Variants in DENND6A observed in about 807,000 individuals in gnomAD.
DENND6A encodes DENN domain containing 6A, also known as protein DENND6A.
DENND6A carries 43 observed loss-of-function variants against 95.5 expected under a neutral mutation model. That is an observed-to-expected ratio of 0.45 (90% CI 0.35 to 0.58). The LOEUF (loss-of-function observed/expected upper bound fraction) is 0.58, where lower values mean the gene tolerates loss of function less well. Among genes scored for constraint, DENND6A ranks in the 20% least tolerant of loss-of-function variants. The pLI, the probability that DENND6A is intolerant of heterozygous loss-of-function variation, is 0.00. For missense variants in DENND6A, 574 were observed against 736.0 expected (o/e 0.78, Z 2.55); for synonymous variants, 257 against 260.4 (o/e 0.99, Z 0.13).
At chr3:57,668,710 A>AT (rs2071565806) in intron 3 of DENND6A, among the ~76,000 whole-genome samples, 1 of 152,090 alleles carries the variant, frequency 6.6e-6, no homozygotes, top group South Asian at 2.1e-4. Flanking sequence ...TATCTGTGTC[A>AT]TTTTTTCATC....
chr3:57,665,654 G>A (rs184056521), intron 4 of DENND6A, among the ~76,000 whole-genome samples: 5 of 152,202 alleles, frequency 3.3e-5, no homozygotes, highest in Non-Finnish European at 7.4e-5. Context: ...GCATCCAGAT[G>A]AAAACGTTCC....
chr3:57,662,598 A>T (rs1480123915), intron 5 of DENND6A, among the ~76,000 whole-genome samples: 3 of 152,136 alleles, frequency 2.0e-5, no homozygotes, highest in African/African-American at 4.8e-5. Flanking sequence ...TCTTAAAAAA[A>T]ATATAATAGT....
intron 3 of DENND6A, among the ~76,000 whole-genome samples, chr3:57,668,334 G>A (rs2071559226): frequency 6.6e-6 from 1 of 152,156 alleles, no homozygotes; most frequent in African/African-American, 2.4e-5. Context: ...CCAGAACAAG[G>A]AGGATTAATG....
intron 1 of DENND6A, among the ~76,000 whole-genome samples, chr3:57,683,060 G>C (rs2077180954): frequency 6.6e-6 from 1 of 152,156 alleles, no homozygotes; most frequent in Non-Finnish European, 1.5e-5. Context: ...TAACATAATA[G>C]AATCCTTTGT....
chr3:57,628,112 T>C lies in DENND6A; in HGVS notation c.*102A>G. ...CTGTAACTAGCATTCATGGCAATTT[T>C]CCACTCCGCTGCCACTGAGAGATCT... On this transcript the variant is annotated 3_prime_UTR_variant, in exon 20 of 20. Coordinates refer to ENST00000311128, the MANE Select transcript of DENND6A (RefSeq NM_152678.3). The C allele has an allele frequency of 6.7e-7, 1 of 1,500,724 alleles. No homozygotes were observed. The highest frequency in any genetic ancestry group is 8.9e-7 in the Non-Finnish European group (1 of 1,121,258). The allele number at this position is 1,500,724 out of a possible 1,614,324, so 93.0% of individuals were successfully genotyped here.
rs181839560 is a variant in DENND6A, at chr3:57,676,135, T to G, written c.238-3697A>C. 3.0e-3 allele frequency among the ~76,000 whole-genome samples: 463 copies of G among 152,028 alleles called. 1 individual carries two copies. Among genetic ancestry groups the G allele is most frequent in the African/African-American group, 0.011 (451 of 41,504 alleles). ...GCTCATACCTGTAATCCTAACACTTTGGGAGGCCGGGGTGGGCAGGTCACT... is the reference window on the plus strand; with the variant it reads ...GCTCATACCTGTAATCCTAACACTTGGGGAGGCCGGGGTGGGCAGGTCACT... On this transcript the variant is annotated intron_variant, in intron 1 of 19. Coordinates refer to ENST00000311128, the MANE Select transcript of DENND6A (RefSeq NM_152678.3).
At chr3:57,638,844 T>A (rs1575819436) in intron 12 of DENND6A, among the ~76,000 whole-genome samples, 1 of 152,270 alleles carries the variant, frequency 6.6e-6, no homozygotes, top group African/African-American at 2.4e-5. Flanking sequence ...GGCTCCCACC[T>A]GTAATCCCAA....
At chr3:57,650,248 T>C (rs1413987620) in intron 9 of DENND6A, among the ~76,000 whole-genome samples, 1 of 151,562 alleles carries the variant, frequency 6.6e-6, no homozygotes, top group Admixed American at 6.6e-5. Context: ...AAAGAACTTA[T>C]TCATGCAACC....
chr3:57,684,008 C>T (rs899083523), intron 1 of DENND6A, among the ~76,000 whole-genome samples: 1 of 151,918 alleles, frequency 6.6e-6, no homozygotes, highest in African/African-American at 2.4e-5. Flanking sequence ...CAAAAATTAG[C>T]CCGGTGTGGT....
At chr3:57,633,759 G>A (rs189734707) in intron 14 of DENND6A, among the ~76,000 whole-genome samples, 4 of 151,826 alleles carry the variant, frequency 2.6e-5, no homozygotes, top group South Asian at 2.1e-4. Context: ...GTGTGGTGGC[G>A]GGCACCTGTA....
At chr3:57,633,173 C>CTGGCAAAAA in intron 15 of DENND6A, 92 bp downstream of exon 15, 1 of 1,090,784 alleles carries the variant, frequency 9.2e-7, no homozygotes, top group South Asian at 1.4e-5. Flanking sequence ...GCAAAACACA[C>CTGGCAAAAA]AACTTAAGAT....
rs764111754 is a variant in DENND6A at position 57,634,584 on chromosome 3, CATCTCT to C, written c.1231_1236del (p.Arg411_Asp412del). ...TTCTGTAATTGTTTTATGATCTCTT[CATCTCT>C]ATTTAAATATGGCTTATATGAAGTA... On this transcript the variant is annotated inframe_deletion, in exon 14 of 20. Coordinates refer to ENST00000311128, the MANE Select transcript of DENND6A (RefSeq NM_152678.3). 3 of 1,445,662 alleles carry C rather than the reference CATCTCT, an allele frequency of 2.1e-6. No homozygotes were observed. In the South Asian group the frequency reaches 4.3e-5, roughly 21 times the overall value. The allele number at this position is 1,445,662 out of a possible 1,614,324, so 89.6% of individuals were successfully genotyped here.
At chr3:57,672,468 C>T (rs778548170) in intron 1 of DENND6A, 30 bp from the exon 2 acceptor site, 2 of 1,599,576 alleles carry the variant, frequency 1.3e-6, no homozygotes, top group Non-Finnish European at 1.7e-6. Flanking sequence ...TTTTGTTAAA[C>T]ATATTATAAA....
At chr3:57,692,693 C>T in intron 1 of DENND6A, 89 bp downstream of exon 1, 3 of 1,245,620 alleles carry the variant, frequency 2.4e-6, no homozygotes, top group Non-Finnish European at 3.1e-6. Context: ...GGACAGGGTC[C>T]TGGCCGGTCA....
chr3:57,670,625 G>A (rs2071601036), intron 3 of DENND6A, among the ~76,000 whole-genome samples: 2 of 152,166 alleles, frequency 1.3e-5, no homozygotes, highest in South Asian at 4.1e-4. Context: ...TAGGGGGAGG[G>A]TAAAGGGCTC....
chr3:57,634,447 A>AG lies in DENND6A; in HGVS notation c.1263+110_1263+111insC. On this transcript the variant is annotated intron_variant, in intron 14 of 19. Transcript: ENST00000311128. ...GACTCTGTCTCCCAAAAAAAAAAAA[A>AG]AAAAGGAGAGATCCTATTTCACATT... The AG allele has an allele frequency of 1.1e-5, 6 of 567,074 alleles. No individual in the cohort carries two copies. In the East Asian group the frequency reaches 2.3e-4, roughly 22 times the overall value. The allele number at this position is 567,074 out of a possible 1,614,324, so 35.1% of individuals were successfully genotyped here. A position where few individuals can be genotyped will look rare whatever the true frequency, so the allele number is the denominator to read the frequency against.
intron 8 of DENND6A, among the ~76,000 whole-genome samples, chr3:57,658,729 G>A (rs1324998725): frequency 6.6e-6 from 1 of 152,080 alleles, no homozygotes; most frequent in Non-Finnish European, 1.5e-5. Flanking sequence ...CCCCACCCAT[G>A]AACAGATGGT....
chr3:57,641,778 A>C, intron 11 of DENND6A, 31 bp from the exon 12 acceptor site: 4 of 1,554,294 alleles, frequency 2.6e-6, no homozygotes, highest in South Asian at 1.1e-5. Flanking sequence ...CAAAATAAAA[A>C]AGGTGAGAAA....
intron 19 of DENND6A, 100 bp from the exon 20 acceptor site, chr3:57,628,445 T>C (rs1047936026): frequency 1.4e-6 from 2 of 1,438,348 alleles, no homozygotes; most frequent in African/African-American, 1.4e-5. Flanking sequence ...AACAATTAGA[T>C]ACTTTCAGTC....
Sources: allele counts gnomAD v4.1 joint callset (sites outside exome capture counted in the v4.1 genomes callset), GRCh38; gene constraint gnomAD v4.1.1; transcripts MANE v1.5; gene names NCBI Gene and HGNC (gene_info 2026-07-23, HGNC 2026-07-21).